Variants in RAP1GAP2 observed in about 807,000 individuals in gnomAD.
RAP1GAP2 encodes RAP1 GTPase activating protein 2.
RAP1GAP2 carries 27 observed loss-of-function variants against 95.0 expected under a neutral mutation model. That is an observed-to-expected ratio of 0.28 (90% CI 0.21 to 0.39). The LOEUF is 0.39. RAP1GAP2 is among the 10% of genes least tolerant of loss of function. RAP1GAP2 has a pLI of 1.00. For synonymous variants in RAP1GAP2, 373 were observed against 380.9 expected, an observed-to-expected ratio of 0.98 and a Z score of 0.24; for missense variants, 771 against 970.0, an observed-to-expected ratio of 0.79 and a Z score of 2.72.
chr17:2,879,719 C>G (rs1308476127), intron 2 of RAP1GAP2, among the ~76,000 whole-genome samples: 1 of 114,038 alleles, frequency 8.8e-6, no homozygotes, highest in Non-Finnish European at 1.9e-5. Flanking sequence ...GGGCGAGACT[C>G]CATCTCAAAA....
At chr17:2,852,302 A>C (rs1189947750) in intron 2 of RAP1GAP2, among the ~76,000 whole-genome samples, 1 of 143,176 alleles carries the variant, frequency 7.0e-6, no homozygotes, top group South Asian at 2.4e-4. Flanking sequence ...GGCTATCTAT[A>C]TCTCTGATCC....
Position 2,860,905 on chromosome 17 carries a change from C to T in RAP1GAP2, c.81-44379C>T, listed in dbSNP as rs912419173. Among the ~76,000 whole-genome samples the T allele has an allele frequency of 6.6e-5, 10 of 152,048 alleles. No individual in the cohort carries two copies. The South Asian group carries it at 8.3e-4, about 13-fold the overall frequency. On this transcript the variant is annotated intron_variant, in intron 2 of 24. Transcript: ENST00000254695. ...ACAGGTGTGAGTCACCGCGCCTGGC[C>T]GACTTTCCGTTATACTTTAAATGAA... is the stretch of plus-strand genomic sequence containing the variant.
intron 10 of RAP1GAP2, among the ~76,000 whole-genome samples, chr17:2,981,771 TACTG>T (rs1327425523): frequency 4.6e-5 from 7 of 152,218 alleles, no homozygotes; most frequent in Non-Finnish European, 1.0e-4. Flanking sequence ...ATTGGCCTGA[TACTG>T]ACCCCAGTTC....
rs34388758 is a variant in RAP1GAP2, at chr17:3,035,331, C to T, written c.*1970C>T. The stretch of plus-strand genomic sequence containing the variant: ...TTAAGAACAGTTGCAGGATCTGGCT[C>T]GCCTCTGTGGGAAGCCGGCATTACA... On this transcript the variant is annotated 3_prime_UTR_variant, in exon 25 of 25. Transcript: ENST00000254695. The surrounding 1 kb of genome is among the most constrained non-coding windows in gnomAD (Gnocchi z 4.3). 0.11 allele frequency: 16,790 copies of T among 152,184 alleles called. 993 individuals are homozygous for T. Among genetic ancestry groups the T allele is most frequent in the Middle Eastern group, 0.21 (63 of 294 alleles). 9.4% of individuals were successfully genotyped at this position (152,184 alleles called of 1,614,324 possible).
At chr17:2,900,926 C>T (rs566565076) in intron 2 of RAP1GAP2, among the ~76,000 whole-genome samples, 23 of 152,220 alleles carry the variant, frequency 1.5e-4, no homozygotes, top group Non-Finnish European at 2.9e-4. Flanking sequence ...TGAGACATGA[C>T]GGTTGCAGTG....
chr17:2,758,419 T>C (rs2071189190), intron 1 of RAP1GAP2, among the ~76,000 whole-genome samples: 1 of 151,780 alleles, frequency 6.6e-6, no homozygotes, highest in Non-Finnish European at 1.5e-5. Flanking sequence ...GTGATCCGCC[T>C]GCCTCAGCCT....
chr17:2,875,249 T>C (rs2073043831), intron 2 of RAP1GAP2, among the ~76,000 whole-genome samples: 2 of 152,090 alleles, frequency 1.3e-5, no homozygotes, highest in South Asian at 4.1e-4. Context: ...GTGTTTTTAG[T>C]AGAGATGGGA....
intron 17 of RAP1GAP2, among the ~76,000 whole-genome samples, chr17:3,012,171 C>T (rs897634388): frequency 6.6e-6 from 1 of 152,180 alleles, no homozygotes; most frequent in Non-Finnish European, 1.5e-5. Flanking sequence ...GCGTTTCTCC[C>T]ATGAGACACA....
chr17:3,010,356 A>G (rs112809002), intron 17 of RAP1GAP2, among the ~76,000 whole-genome samples: 25 of 151,568 alleles, frequency 1.6e-4, no homozygotes, highest in Admixed American at 6.6e-4. Context: ...AAAAAAAAAA[A>G]AAAAGAAAAG....
intron 2 of RAP1GAP2, among the ~76,000 whole-genome samples, chr17:2,848,820 T>C (rs1475973037): frequency 6.6e-6 from 1 of 152,148 alleles, no homozygotes; most frequent in Non-Finnish European, 1.5e-5. Context: ...GGCCCAGCTC[T>C]CACTTTTCAA....
At chr17:2,799,617 G>A (rs1189644429) in intron 1 of RAP1GAP2, among the ~76,000 whole-genome samples, 2 of 152,176 alleles carry the variant, frequency 1.3e-5, no homozygotes, top group African/African-American at 4.8e-5. Context: ...TGACACTGAT[G>A]ATGACATGTG....
Position 3,026,410 on chromosome 17 carries a change from C to T in RAP1GAP2, c.1926C>T (p.Ser642=), listed in dbSNP as rs2047119165. Residue 642 remains serine (S), a synonymous_variant, in exon 21 of 25, where the codon AGC becomes AGT. Transcript: ENST00000254695. ...RAISRSSSST[S]SVSSTAGEGE... Reference sequence around the variant, plus strand: ...TCTCCCGCTCCTCCTCCAGCACCAGCAGCGTCAGCAGCACTGCAGGGGAGG... The same window carrying T: ...TCTCCCGCTCCTCCTCCAGCACCAGTAGCGTCAGCAGCACTGCAGGGGAGG... 4 of 1,552,598 alleles carry T rather than the reference C, an allele frequency of 2.6e-6. No individual in the cohort carries two copies. The highest frequency in any genetic ancestry group is 2.7e-5 in the African/African-American group (2 of 73,270).
At chr17:2,997,779 T>C (rs1321066447) in intron 13 of RAP1GAP2, among the ~76,000 whole-genome samples, 2 of 151,648 alleles carry the variant, frequency 1.3e-5, no homozygotes, top group African/African-American at 4.8e-5. Flanking sequence ...CAGAAATTAG[T>C]GGGTGTAGTG....
chr17:2,992,787 C>G (rs2045809302), intron 12 of RAP1GAP2, among the ~76,000 whole-genome samples: 1 of 152,178 alleles, frequency 6.6e-6, no homozygotes, highest in Non-Finnish European at 1.5e-5. Context: ...TCTTCTCCCT[C>G]CCTCAAGGTC....
rs2071273707 is a variant in RAP1GAP2, at chr17:2,762,456, G to A, written c.50+6689G>A. Among the ~76,000 whole-genome samples, 3 of 147,612 alleles carry A rather than the reference G, an allele frequency of 2.0e-5. No homozygotes were observed. The South Asian group carries it at 6.5e-4, about 32-fold the overall frequency. On this transcript the variant is annotated intron_variant, in intron 1 of 25. Coordinates refer to the RAP1GAP2 transcript ENST00000637138. ...TCTGTCGCCGAGGCTGGAGTGCAGT[G>A]GCACGATCTCGGCTCACTGCAACCT...
chr17:2,927,005 C>CAAAA (rs1242428206), intron 3 of RAP1GAP2, among the ~76,000 whole-genome samples: 3 of 54,146 alleles, frequency 5.5e-5, no homozygotes, highest in Non-Finnish European at 1.1e-4. Flanking sequence ...GACTCCATCT[C>CAAAA]AAAAAAAAAA....
chr17:2,851,562 T>G (rs4790372), intron 2 of RAP1GAP2, among the ~76,000 whole-genome samples: 39,257 of 152,036 alleles, frequency 0.26, 5,616 homozygotes, highest in Admixed American at 0.32. Context: ...AGGAAAATTC[T>G]ACCTCTTAGA....
intron 2 of RAP1GAP2, among the ~76,000 whole-genome samples, chr17:2,834,980 C>A (rs8082623): frequency 6.6e-6 from 1 of 151,588 alleles, no homozygotes; most frequent in South Asian, 2.1e-4. Context: ...AGTGCAGTGG[C>A]GTGATCTCTC....
At chr17:2,763,934 AT>A (rs2068231702) in intron 1 of RAP1GAP2, among the ~76,000 whole-genome samples, 2 of 151,776 alleles carry the variant, frequency 1.3e-5, no homozygotes, top group Non-Finnish European at 2.9e-5. Flanking sequence ...GCCCGGTGGG[AT>A]CAAGGACAGC....
Sources: gnomAD v4.1 joint callset for allele counts (sites outside exome capture counted in the v4.1 genomes callset) on GRCh38, gnomAD v4.1.1 for gene constraint, Gnocchi (gnomAD v3.1) non-coding constraint, MANE v1.5 for transcripts, NCBI Gene and HGNC (gene_info 2026-07-23, HGNC 2026-07-21) for gene names.